Variants in CSRNP3 observed in about 807,000 individuals in gnomAD.
CSRNP3 encodes cysteine and serine rich nuclear protein 3, also known as cysteine/serine-rich nuclear protein 3.
A neutral mutation model predicts 48.0 loss-of-function variants in CSRNP3; 12 were observed. The observed-to-expected ratio is 0.25, with a 90% CI of 0.16 to 0.41. CSRNP3 has a LOEUF of 0.41. CSRNP3 is among the 10% of genes least tolerant of loss of function. The pLI, the probability that CSRNP3 is intolerant of heterozygous loss-of-function variation, is 1.00. For missense variants in CSRNP3, 580 were observed against 724.4 expected (o/e 0.80, Z 2.29); for synonymous variants, 263 against 269.7 (o/e 0.98, Z 0.24).
intron 2 of CSRNP3, among the ~76,000 whole-genome samples, chr2:165,512,005 G>A (rs35084917): frequency 0.069 from 10,445 of 152,200 alleles, 436 homozygotes; most frequent in Middle Eastern, 0.23. Flanking sequence ...CTAGCATGAT[G>A]AATAATGGTA....
At chr2:165,505,355 C>T (rs535044469) in intron 2 of CSRNP3, among the ~76,000 whole-genome samples, 1 of 152,184 alleles carries the variant, frequency 6.6e-6, no homozygotes, top group African/African-American at 2.4e-5. Context: ...CATTAGGTTT[C>T]AGGAGGCAAA....
At chr2:165,666,050 A>AGG (rs372672347) in intron 5 of CSRNP3, among the ~76,000 whole-genome samples, 7 of 103,076 alleles carry the variant, frequency 6.8e-5, no homozygotes, top group East Asian at 3.6e-4. Flanking sequence ...GAAGGAAGGA[A>AGG]AGAGAGAGGA....
At chr2:165,664,611 C>T (rs145330736) in intron 5 of CSRNP3, among the ~76,000 whole-genome samples, 24 of 152,296 alleles carry the variant, frequency 1.6e-4, no homozygotes, top group Non-Finnish European at 3.1e-4. Flanking sequence ...ACTGATCCTC[C>T]TGGGGCATGG....
chr2:165,473,439 G>A (rs1459844365), intron 1 of CSRNP3, among the ~76,000 whole-genome samples: 1 of 151,830 alleles, frequency 6.6e-6, no homozygotes, highest in Non-Finnish European at 1.5e-5. Flanking sequence ...AGAAAGCTTG[G>A]GTCAGATTTA....
At chr2:165,530,036 T>C (rs529642231) in intron 3 of CSRNP3, among the ~76,000 whole-genome samples, 60 of 152,334 alleles carry the variant, frequency 3.9e-4, no homozygotes, top group Non-Finnish European at 7.4e-4. Flanking sequence ...TTTTAACAGA[T>C]GTATCTTTGT....
intron 4 of CSRNP3, among the ~76,000 whole-genome samples, chr2:165,653,972 C>CAAAAAAAAAAAAAAAAAAAAA (rs71028497): frequency 4.9e-5 from 2 of 41,226 alleles, no homozygotes; most frequent in African/African-American, 2.0e-4. Flanking sequence ...AGCTCTATCA[C>CAAAAAAAAAAAAAAAAAAAAA]AAAAAAAAAA....
rs111407867 is a variant in CSRNP3, at chr2:165,584,104, T to C, written c.-23-10939T>C. ...ATAAAGGATTAATTTTCTTAATTACTATGTTTTTCATGAATCAATATTATT... is the reference window on the plus strand; with the variant it reads ...ATAAAGGATTAATTTTCTTAATTACCATGTTTTTCATGAATCAATATTATT... On this transcript the variant is annotated intron_variant, in intron 3 of 6. Transcript: ENST00000651982. Among the ~76,000 whole-genome samples, 45 of 152,348 alleles carry C rather than the reference T, an allele frequency of 3.0e-4. 1 individual carries two copies. Among genetic ancestry groups the C allele is most frequent in the African/African-American group, 1.0e-3 (43 of 41,582 alleles).
At chr2:165,573,843 T>G (rs1312844055) in intron 3 of CSRNP3, among the ~76,000 whole-genome samples, 1 of 151,720 alleles carries the variant, frequency 6.6e-6, no homozygotes, top group Non-Finnish European at 1.5e-5. Context: ...TGTATTTGAA[T>G]TTAAAAAAAA....
chr2:165,552,976 G>A (rs911036673), intron 3 of CSRNP3, among the ~76,000 whole-genome samples: 8 of 152,240 alleles, frequency 5.3e-5, no homozygotes, highest in African/African-American at 1.7e-4. Context: ...TTACAGGTGT[G>A]AGCCAATGTG....
At chr2:165,581,855 T>C (rs1301357629) in intron 3 of CSRNP3, among the ~76,000 whole-genome samples, 1 of 152,090 alleles carries the variant, frequency 6.6e-6, no homozygotes, top group Non-Finnish European at 1.5e-5. Context: ...TTGATAGAAG[T>C]GCAAACTGAG....
At chr2:165,521,219 A>AAGG (rs1247637264) in intron 3 of CSRNP3, among the ~76,000 whole-genome samples, 1 of 151,370 alleles carries the variant, frequency 6.6e-6, no homozygotes, top group Non-Finnish European at 1.5e-5. Flanking sequence ...GGGCTGGTTG[A>AAGG]AGGTTATGGG....
In CSRNP3 at chr2:165,680,660, T is replaced by A. The variant is rs191800543; in HGVS notation, c.*907T>A. ...CCCCTTCACGGTACCTCGTGTGGGG[T>A]GGGGACTGAGAACTCTTTGAGATGA... On this transcript the variant is annotated 3_prime_UTR_variant, in exon 7 of 7. Transcript: ENST00000651982. 2.2e-3 allele frequency: 339 copies of A among 152,322 alleles called. 2 individuals carry two copies. Among genetic ancestry groups the A allele is most frequent in the African/African-American group, 7.4e-3 (306 of 41,412 alleles). 9.4% of individuals were successfully genotyped at this position (152,322 alleles called of 1,614,324 possible).
intron 4 of CSRNP3, among the ~76,000 whole-genome samples, chr2:165,627,852 A>G (rs1330578337): frequency 6.6e-6 from 1 of 152,118 alleles, no homozygotes; most frequent in Admixed American, 6.5e-5. Context: ...ATGCTCAGAG[A>G]TGTTACACAT....
At chr2:165,519,272 A>T (rs186556751) in intron 3 of CSRNP3, among the ~76,000 whole-genome samples, 2 of 150,778 alleles carry the variant, frequency 1.3e-5, no homozygotes, top group Non-Finnish European at 3.0e-5. Context: ...CATTGCCTAC[A>T]TTTTTTTTTT....
At chr2:165,477,370 G>A (rs1683975274) in intron 1 of CSRNP3, among the ~76,000 whole-genome samples, 1 of 150,394 alleles carries the variant, frequency 6.6e-6, no homozygotes, top group Non-Finnish European at 1.5e-5. Context: ...TGTAATCCCA[G>A]CACTTTGGGA....
At chr2:165,576,135 AT>A (rs1339362261) in intron 3 of CSRNP3, among the ~76,000 whole-genome samples, 1 of 150,626 alleles carries the variant, frequency 6.6e-6, no homozygotes, top group South Asian at 2.1e-4. Flanking sequence ...ATAAAACAAT[AT>A]ATATATACAC....
intron 3 of CSRNP3, among the ~76,000 whole-genome samples, chr2:165,553,748 A>C (rs1198771460): frequency 1.3e-5 from 2 of 152,196 alleles, no homozygotes; most frequent in Admixed American, 6.5e-5. Context: ...CAGCTATTCA[A>C]CTGGTGCAGT....
chr2:165,617,965 C>T (rs1038655949), intron 4 of CSRNP3, among the ~76,000 whole-genome samples: 20 of 152,150 alleles, frequency 1.3e-4, no homozygotes, highest in Admixed American at 3.9e-4. Context: ...CAACATGCAG[C>T]GGTTATTGGG....
At chr2:165,541,902 T>C (rs1684963193) in intron 3 of CSRNP3, among the ~76,000 whole-genome samples, 1 of 152,154 alleles carries the variant, frequency 6.6e-6, no homozygotes, top group Non-Finnish European at 1.5e-5. Context: ...ATTATTTTTA[T>C]CATGTCCTAA....
Sources: allele counts gnomAD v4.1 joint callset (sites outside exome capture counted in the v4.1 genomes callset), GRCh38; gene constraint gnomAD v4.1.1; transcripts MANE v1.5; gene names NCBI Gene and HGNC (gene_info 2026-07-23, HGNC 2026-07-21).